Variants in LARP4B observed in about 807,000 individuals in gnomAD.
The protein encoded by LARP4B is la-related protein 4B.
Under a neutral mutation model 89.8 loss-of-function variants are expected in LARP4B, and 12 were observed. The ratio of observed to expected loss-of-function variants is 0.13; its 90% CI spans 0.09 to 0.22. LARP4B has a LOEUF of 0.22. LARP4B is among the 10% of genes least tolerant of loss of function. The pLI is 1.00. For synonymous variants in LARP4B, 367 were observed against 363.3 expected, an observed-to-expected ratio of 1.01 and a Z score of -0.12; for missense variants, 757 against 947.7, an observed-to-expected ratio of 0.80 and a Z score of 2.64.
chr10:863,396 T>C (rs1834726848), intron 5 of LARP4B, among the ~76,000 whole-genome samples: 1 of 151,834 alleles, frequency 6.6e-6, no homozygotes, highest in Admixed American at 6.5e-5. Flanking sequence ...CTGATTTTTT[T>C]TGTATTTTTT....
intron 1 of LARP4B, among the ~76,000 whole-genome samples, chr10:890,840 A>G (rs1016225424): frequency 6.6e-6 from 1 of 152,310 alleles, no homozygotes; most frequent in East Asian, 1.9e-4. Flanking sequence ...CTACGAGAGA[A>G]CAGATGGATT....
chr10:888,337 C>CAAA (rs547831151), intron 1 of LARP4B, among the ~76,000 whole-genome samples: 2 of 123,838 alleles, frequency 1.6e-5, no homozygotes, highest in African/African-American at 3.1e-5. Flanking sequence ...AACAAACAAA[C>CAAA]AAAAAAAAAA....
chr10:872,344 G>A (rs1282283346), intron 3 of LARP4B, among the ~76,000 whole-genome samples: 3 of 152,088 alleles, frequency 2.0e-5, no homozygotes, highest in Non-Finnish European at 2.9e-5. Flanking sequence ...GCTCTGGCTC[G>A]CCCGCCCCTG....
At chr10:860,220 A>G (rs1358306458) in intron 5 of LARP4B, among the ~76,000 whole-genome samples, 2 of 152,100 alleles carry the variant, frequency 1.3e-5, no homozygotes, top group Non-Finnish European at 2.9e-5. Context: ...TCTTTTTTTT[A>G]AAAAGGATGT....
At chr10:898,521 T>C (rs1836251020) in intron 1 of LARP4B, among the ~76,000 whole-genome samples, 1 of 152,240 alleles carries the variant, frequency 6.6e-6, no homozygotes, top group African/African-American at 2.4e-5. Context: ...CCCTCCCTTT[T>C]TTATGTGTGT....
intron 1 of LARP4B, among the ~76,000 whole-genome samples, chr10:919,971 A>G (rs1336610231): frequency 1.3e-5 from 2 of 152,242 alleles, no homozygotes; most frequent in African/African-American, 4.8e-5. Flanking sequence ...GGATTATCTA[A>G]AATGACAAAA....
At chr10:827,796 C>T (rs1361390895) in intron 11 of LARP4B, among the ~76,000 whole-genome samples, 2 of 152,202 alleles carry the variant, frequency 1.3e-5, no homozygotes, top group Non-Finnish European at 2.9e-5. Context: ...CCAGAGCCTA[C>T]GGACTCAAGT....
chr10:857,094 C>A (rs1008067641), intron 5 of LARP4B, among the ~76,000 whole-genome samples: 7 of 152,092 alleles, frequency 4.6e-5, no homozygotes, highest in African/African-American at 1.2e-4. Flanking sequence ...CCACCCAGCA[C>A]GTCACAGCTG....
At chr10:905,371 A>G (rs1053843348) in intron 1 of LARP4B, among the ~76,000 whole-genome samples, 1 of 152,224 alleles carries the variant, frequency 6.6e-6, no homozygotes, top group Non-Finnish European at 1.5e-5. Context: ...TTCCTAATAT[A>G]TACGTATTTC....
chr10:964,442 C>G, the LARP4B span, among the ~76,000 whole-genome samples: 2 of 150,868 alleles, frequency 1.3e-5, no homozygotes, highest in African/African-American at 4.9e-5. Flanking sequence ...TTCCTGTGGG[C>G]TAGGGCACAG....
the LARP4B span, among the ~76,000 whole-genome samples, chr10:982,469 T>C: frequency 6.6e-6 from 1 of 152,062 alleles, no homozygotes; most frequent in African/African-American, 2.4e-5. Flanking sequence ...GCCAGTCAAG[T>C]AAAAAGGGAA....
intron 13 of LARP4B, among the ~76,000 whole-genome samples, chr10:824,436 T>A (rs1832513148): frequency 1.3e-5 from 2 of 152,132 alleles, no homozygotes; most frequent in African/African-American, 4.8e-5. Context: ...AAGGCTGTAG[T>A]GAGCCATGAT....
At chr10:832,954 C>T (rs1387522620) in intron 8 of LARP4B, among the ~76,000 whole-genome samples, 5 of 151,974 alleles carry the variant, frequency 3.3e-5, no homozygotes, top group East Asian at 1.9e-4. Context: ...TTAAAGCAAA[C>T]GTAACAACGA....
the LARP4B span, among the ~76,000 whole-genome samples, chr10:967,644 G>A: frequency 1.2e-3 from 185 of 152,294 alleles, 4 homozygotes; most frequent in East Asian, 0.025. Flanking sequence ...GGAGAGAATC[G>A]GAAGCCAGCC....
At chr10:821,022 A>G in intron 13 of LARP4B, 177 bp from the exon 14 acceptor site, 1 of 606,494 alleles carries the variant, frequency 1.6e-6, no homozygotes, top group South Asian at 2.0e-5. Flanking sequence ...AAGCAGAACA[A>G]CACAAAGTTG....
At chr10:815,824 C>G (rs1409736052) in intron 15 of LARP4B, 1 of 152,260 alleles carries the variant, frequency 6.6e-6, no homozygotes, top group Non-Finnish European at 1.5e-5. Flanking sequence ...GACCTAGAGC[C>G]CTTCCAGCTG....
chr10:913,720 C>G (rs1004661607), intron 1 of LARP4B, among the ~76,000 whole-genome samples: 9 of 152,128 alleles, frequency 5.9e-5, no homozygotes, highest in Non-Finnish European at 2.9e-5. Flanking sequence ...ACCAGCCAGG[C>G]CAATACAGTG....
intron 14 of LARP4B, chr10:820,077 C>A (rs1832266706): frequency 6.6e-6 from 1 of 152,086 alleles, no homozygotes; most frequent in African/African-American, 2.4e-5. Context: ...TACCGTCCCA[C>A]CACTGGTTCA....
At chr10:859,831 T>C (rs990953653) in intron 5 of LARP4B, among the ~76,000 whole-genome samples, 3 of 147,752 alleles carry the variant, frequency 2.0e-5, no homozygotes, top group African/African-American at 7.6e-5. Flanking sequence ...AAGGTAAAAC[T>C]ATGGAGACAG....
Sources: allele counts gnomAD v4.1 joint callset (sites outside exome capture counted in the v4.1 genomes callset), GRCh38; gene constraint gnomAD v4.1.1; transcripts MANE v1.5; gene names NCBI Gene and HGNC (gene_info 2026-07-23, HGNC 2026-07-21).